The following ST3GAL5 variants were observed in gnomAD, a reference collection of about 807,000 sequenced individuals.
ST3GAL5 encodes the protein ST3 beta-galactoside alpha-2,3-sialyltransferase 5.
ST3GAL5 carries 25 observed loss-of-function variants against 46.1 expected under a neutral mutation model. That is an observed-to-expected ratio of 0.54 (90% confidence interval 0.40 to 0.76). The LOEUF (loss-of-function observed/expected upper bound fraction) is 0.76. Ranked by LOEUF, ST3GAL5 falls within the 30% of genes least tolerant of loss-of-function variation. The probability of loss-of-function intolerance (pLI) is 0.00; values close to 1 mark genes in which losing one functional copy is unlikely to be tolerated. For missense variants in ST3GAL5, 431 were observed against 521.2 expected (o/e 0.83, Z 1.69); for synonymous variants, 182 against 192.7 (o/e 0.94, Z 0.46).
chr2:85,868,513 G>C (rs1354976551), intron 1 of ST3GAL5, among the ~76,000 whole-genome samples: 2 of 143,664 alleles, frequency 1.4e-5, no homozygotes, highest in Non-Finnish European at 3.0e-5. Context: ...GTTTTGCCAT[G>C]TTGCCCAGGC....
intron 1 of ST3GAL5, among the ~76,000 whole-genome samples, chr2:85,877,587 T>A (rs1686720538): frequency 6.6e-6 from 1 of 152,372 alleles, no homozygotes; most frequent in African/African-American, 2.4e-5. Flanking sequence ...AGGTGGTAGA[T>A]GCCAGGTTCT....
At chr2:85,840,425 A>G in intron 6 of ST3GAL5, 33 bp from the exon 7 acceptor site, 1 of 1,612,278 alleles carries the variant, frequency 6.2e-7, no homozygotes, top group South Asian at 1.1e-5. Context: ...AAAAAGTAAA[A>G]AAAAATTTTG....
chr2:85,882,043 C>A (rs1053031724), intron 1 of ST3GAL5, among the ~76,000 whole-genome samples: 1 of 152,204 alleles, frequency 6.6e-6, no homozygotes, highest in Non-Finnish European at 1.5e-5. Context: ...CCACTCCAGC[C>A]GTGGCTGAAA....
At chr2:85,851,792 T>TGAATGCCACCCA in intron 3 of ST3GAL5, 1 of 1,173,146 alleles carries the variant, frequency 8.5e-7, no homozygotes, top group Non-Finnish European at 1.1e-6. Context: ...GGGGCCTGGG[T>TGAATGCCACCCA]GGCATTCATC....
chr2:85,879,032 C>T (rs1160955121), intron 1 of ST3GAL5, among the ~76,000 whole-genome samples: 3 of 152,092 alleles, frequency 2.0e-5, no homozygotes, highest in Non-Finnish European at 2.9e-5. Flanking sequence ...GGGCAGAAGA[C>T]GCAGCTAGGA....
rs369297101 is a variant in ST3GAL5, at chr2:85,844,567, A to G, written c.850-13T>C. ...GTACCCAGAATGGCTAAGGAAAGCAAGCAAGCAGTTGTTAGTCATCCTTCT... is the reference window on the plus strand; with the variant it reads ...GTACCCAGAATGGCTAAGGAAAGCAGGCAAGCAGTTGTTAGTCATCCTTCT... On this transcript the variant is annotated splice_polypyrimidine_tract_variant and intron_variant, in intron 5 of 6. Coordinates refer to ENST00000638572, the MANE Select transcript of ST3GAL5 (RefSeq NM_003896.4). 1.9e-6 allele frequency: 3 copies of G among 1,613,936 alleles called. No homozygotes were observed. The African/African-American group carries it at 4.0e-5, about 22-fold the overall frequency.
intron 6 of ST3GAL5, among the ~76,000 whole-genome samples, chr2:85,842,013 T>C (rs746782463): frequency 2.0e-5 from 3 of 151,834 alleles, no homozygotes; most frequent in Non-Finnish European, 4.4e-5. Context: ...AGCTTGTGGC[T>C]GCCATAAATA....
Position 85,881,023 on chromosome 2 carries a change from G to C in ST3GAL5, c.82+7801C>G. On this transcript the variant is annotated intron_variant, in intron 1 of 6. Coordinates refer to ENST00000638572, the MANE Select transcript of ST3GAL5 (RefSeq NM_003896.4). ...CCCAGAATTCCCACGTGTTGTGGGA[G>C]GGACCCAGGGGAGGTAATTGAATCA... is the stretch of plus-strand genomic sequence containing the variant. 4 of 485,880 alleles carry C rather than the reference G, an allele frequency of 8.2e-6. No individual in the cohort carries two copies. In the Admixed American group the frequency reaches 8.7e-5, roughly 11 times the overall value. 30.1% of individuals were successfully genotyped at this position (485,880 alleles called of 1,614,324 possible).
chr2:85,876,307 T>G (rs911434243), intron 1 of ST3GAL5, among the ~76,000 whole-genome samples: 1 of 151,952 alleles, frequency 6.6e-6, no homozygotes, highest in African/African-American at 2.4e-5. Flanking sequence ...TGGGTCAGAG[T>G]TGGTTGACCA....
chr2:85,846,660 T>C lies in ST3GAL5; in HGVS notation c.663-97A>G, dbSNP rs1479393380. 12 of 1,215,516 alleles carry C rather than the reference T, an allele frequency of 9.9e-6. No homozygotes were observed. In the Admixed American group the frequency reaches 1.9e-4, roughly 20 times the overall value. The allele number at this position is 1,215,516 out of a possible 1,614,324, so 75.3% of individuals were successfully genotyped here. A position where few individuals can be genotyped will look rare whatever the true frequency, so the allele number is the denominator to read the frequency against. ...TCCATGTCATGTCCTCCACGTCTTC[T>C]TATGACTAAGAATGAGTGCATGGTT... On this transcript the variant is annotated intron_variant, in intron 4 of 6. Transcript: ENST00000638572.
chr2:85,888,614 G>C (rs539962252), intron 1 of ST3GAL5: 2 of 296,770 alleles, frequency 6.7e-6, no homozygotes, highest in African/African-American at 4.4e-5. Flanking sequence ...ACACCTGCGT[G>C]GGACCCCCCG....
chr2:85,846,654 GTCT>G (rs1682826216), intron 4 of ST3GAL5, 91 bp from the exon 5 acceptor site: 14 of 1,242,290 alleles, frequency 1.1e-5, no homozygotes, highest in Non-Finnish European at 1.6e-5. Flanking sequence ...TGTCCTCCAC[GTCT>G]TCTTATGACT....
intron 1 of ST3GAL5, among the ~76,000 whole-genome samples, chr2:85,883,903 C>T (rs558039266): frequency 4.6e-5 from 7 of 152,218 alleles, no homozygotes; most frequent in South Asian, 2.1e-4. Context: ...GAAGTGATGA[C>T]GGCACTGCCC....
In ST3GAL5 at chr2:85,838,646, G is replaced by A. The variant is rs906217578; in HGVS notation, c.*1498C>T. On this transcript the variant is annotated 3_prime_UTR_variant, in exon 7 of 7. Coordinates refer to ENST00000638572, the MANE Select transcript of ST3GAL5 (RefSeq NM_003896.4). ...CTCTGAGCTGGATCCCAGACCCCAGGAGACAGAAGGGACTCTGCTTTGAAT... is the reference window on the plus strand; with the variant it reads ...CTCTGAGCTGGATCCCAGACCCCAGAAGACAGAAGGGACTCTGCTTTGAAT... The A allele has an allele frequency of 6.6e-6, 1 of 152,328 alleles. No individual in the cohort carries two copies. The highest frequency in any genetic ancestry group is 1.9e-4 in the East Asian group (1 of 5,200). The allele number at this position is 152,328 out of a possible 1,614,324, so 9.4% of individuals were successfully genotyped here. A position where few individuals can be genotyped will look rare whatever the true frequency, so the allele number is the denominator to read the frequency against.
At chr2:85,866,306 C>T (rs572609958) in intron 1 of ST3GAL5, 1 of 152,386 alleles carries the variant, frequency 6.6e-6, no homozygotes, top group Non-Finnish European at 1.5e-5. Flanking sequence ...GACTTTCATT[C>T]TCAACCCCAG....
chr2:85,847,753 C>T, intron 4 of ST3GAL5, 108 bp downstream of exon 4: 1 of 1,439,130 alleles, frequency 6.9e-7, no homozygotes. Context: ...TGAGATCACA[C>T]CACTGCACTC....
chr2:85,885,566 C>T (rs537203510), intron 1 of ST3GAL5, among the ~76,000 whole-genome samples: 1 of 152,322 alleles, frequency 6.6e-6, no homozygotes, highest in East Asian at 1.9e-4. Context: ...CGGTGGCTCA[C>T]GCCTGTAATC....
intron 3 of ST3GAL5, 100 bp downstream of exon 3, chr2:85,861,081 T>A (rs1684673906): frequency 1.1e-6 from 1 of 910,890 alleles, no homozygotes; most frequent in Non-Finnish European, 1.8e-6. Flanking sequence ...GTTCAAACTT[T>A]TATTAACATA....
chr2:85,859,825 C>T (rs1018379787), intron 3 of ST3GAL5, among the ~76,000 whole-genome samples: 7 of 152,234 alleles, frequency 4.6e-5, no homozygotes, highest in African/African-American at 1.7e-4. Flanking sequence ...AAAACTGGGA[C>T]TCAAAACAAT....
Sources: gnomAD v4.1 joint callset for allele counts (sites outside exome capture counted in the v4.1 genomes callset) on GRCh38, gnomAD v4.1.1 for gene constraint, MANE v1.5 for transcripts, NCBI Gene and HGNC (gene_info 2026-07-23, HGNC 2026-07-21) for gene names.